Variants in PDZD7 observed in about 807,000 individuals in gnomAD.
PDZD7 encodes PDZ domain-containing protein 7.
A neutral mutation model predicts 84.7 loss-of-function variants in PDZD7; 72 were observed. The ratio of observed to expected loss-of-function variants is 0.85; its 90% CI spans 0.70 to 1.03. The LOEUF (loss-of-function observed/expected upper bound fraction) is 1.03, where lower values mean the gene tolerates loss of function less well. PDZD7 is among the 50% of genes least tolerant of loss of function. The pLI, the probability that PDZD7 is intolerant of heterozygous loss-of-function variation, is 0.00. For synonymous variants in PDZD7, 594 were observed against 580.7 expected (o/e 1.02, Z -0.33); for missense variants, 1,490 against 1,412.9 (o/e 1.05, Z -0.87).
intron 2 of PDZD7, among the ~76,000 whole-genome samples, chr10:101,027,533 A>G (rs539281256): frequency 6.6e-6 from 1 of 152,294 alleles, no homozygotes; most frequent in East Asian, 1.9e-4. Context: ...AGAACTTGCT[A>G]AAAACGGGAA....
At chr10:101,022,430 GCCACCCACCAC>G in intron 4 of PDZD7, 45 bp from the exon 5 acceptor site, 1 of 1,608,880 alleles carries the variant, frequency 6.2e-7, no homozygotes, top group Non-Finnish European at 8.5e-7. Flanking sequence ...TCCATCCACT[GCCACCCACCAC>G]CCTCCCAGCA....
In PDZD7 at chr10:101,008,264, C is replaced by T. The variant is rs374040016; in HGVS notation, c.*203G>A. 3.2e-6 allele frequency: 2 copies of T among 619,770 alleles called. No individual in the cohort carries two copies. The highest frequency in any genetic ancestry group is 5.4e-6 in the Non-Finnish European group (2 of 368,078). The allele number at this position is 619,770 out of a possible 1,614,324, so 38.4% of individuals were successfully genotyped here. On this transcript the variant is annotated 3_prime_UTR_variant, in exon 17 of 17. Coordinates refer to ENST00000619208, the MANE Select transcript of PDZD7 (RefSeq NM_001195263.2). The stretch of plus-strand genomic sequence containing the variant: ...GAGTGCAGGTGACACAGGCTGCCCA[C>T]TAGCACCTTGTCCTTGGACACTAAG...
In PDZD7 at chr10:101,010,770, G is replaced by A. The variant is rs1564627634; in HGVS notation, c.2119C>T (p.Pro707Ser). The change falls in exon 15 of 17, where the codon CCT becomes TCT. Residue 707 changes from proline to serine, a missense_variant. By Grantham distance (74) the Pro-to-Ser change is moderately conservative. Transcript: ENST00000619208. ...ALKVSPSASA[P>S]RHPHKGIPPL... ...GGGATCCCTTTATGGGGGTGGCGAG[G>A]GGCAGAGGCACTTGGGGAGACCTTG... is the stretch of plus-strand genomic sequence containing the variant. The A allele has an allele frequency of 5.2e-6, 8 of 1,535,366 alleles. No individual in the cohort carries two copies. The highest frequency in any genetic ancestry group is 8.7e-7 in the Non-Finnish European group (1 of 1,146,814).
chr10:101,010,687 G>A lies in PDZD7; in HGVS notation c.2202C>T (p.Pro734=). The A allele has an allele frequency of 6.6e-7, 1 of 1,514,466 alleles. No individual in the cohort carries two copies. Among genetic ancestry groups the A allele is most frequent in the Non-Finnish European group, 8.8e-7 (1 of 1,132,688 alleles). 93.8% of individuals were successfully genotyped at this position (1,514,466 alleles called of 1,614,324 possible). ...GAGCCACGGGGGGTAGCTGGGGAGG[G>A]GGTGTGCAGGCAATTCGGAGGGGGG... ...AFTPLRIACT[P]PPQLPPVAPR... Residue 734 remains proline, a synonymous_variant, in exon 15 of 17, where the codon CCC becomes CCT. Transcript: ENST00000619208.
intron 8 of PDZD7, 120 bp downstream of exon 8, chr10:101,018,702 G>T (rs371194182): frequency 7.5e-7 from 1 of 1,327,508 alleles, no homozygotes. Context: ...TGGAGCTTGG[G>T]TTGGGCAAGG....
At chr10:101,010,018 G>C (rs1399118551) in intron 15 of PDZD7, among the ~76,000 whole-genome samples, 1 of 152,120 alleles carries the variant, frequency 6.6e-6, no homozygotes, top group African/African-American at 2.4e-5. Context: ...TCAGCCTTCT[G>C]AGTAGCTGGG....
chr10:101,019,351 A>T (rs1465136005), intron 7 of PDZD7, 134 bp from the exon 8 acceptor site: 9 of 1,125,726 alleles, frequency 8.0e-6, no homozygotes, highest in Non-Finnish European at 8.7e-6. Context: ...AGTGGTGAGG[A>T]ACCCGCTGCT....
chr10:101,011,392 T>G, intron 14 of PDZD7: 1 of 645,650 alleles, frequency 1.5e-6, no homozygotes, highest in Non-Finnish European at 2.3e-6. Context: ...TCTATTTTAA[T>G]GTGTCTAAGA....
At chr10:101,027,078 T>C (rs1392744060) in intron 2 of PDZD7, among the ~76,000 whole-genome samples, 2 of 152,160 alleles carry the variant, frequency 1.3e-5, no homozygotes, top group Non-Finnish European at 2.9e-5. Context: ...TATCCTTGCT[T>C]CCACTCTTGC....
In PDZD7 at chr10:101,018,914, G is replaced by A; in HGVS notation, c.1232C>T (p.Ala411Val). Residue 411 changes from alanine to valine, a missense_variant, in exon 8 of 17, where the codon GCG (alanine) becomes GTG (valine). By Grantham distance (64) the Ala-to-Val change is moderately conservative. Coordinates refer to ENST00000619208, the MANE Select transcript of PDZD7 (RefSeq NM_001195263.2). ...AGCCGTCTTGGGAGACTCAGAGAGCGCAGAGTCAAGGCGGCGGCCGGGATG... is the reference window on the plus strand; with the variant it reads ...AGCCGTCTTGGGAGACTCAGAGAGCACAGAGTCAAGGCGGCGGCCGGGATG... ...GPHPGRRLDS[A>V]LSESPKTALL... 1.2e-6 allele frequency: 2 copies of A among 1,604,388 alleles called. No homozygotes were observed. Among genetic ancestry groups the A allele is most frequent in the South Asian group, 1.1e-5 (1 of 89,056 alleles).
intron 2 of PDZD7, 132 bp from the exon 3 acceptor site, chr10:101,024,200 C>A: frequency 1.6e-6 from 2 of 1,224,994 alleles, no homozygotes; most frequent in Non-Finnish European, 2.4e-6. Context: ...GGCCTAAATG[C>A]AGTGGGGCAG....
intron 15 of PDZD7, among the ~76,000 whole-genome samples, chr10:101,009,801 T>C (rs1009422590): frequency 6.6e-6 from 1 of 151,984 alleles, no homozygotes; most frequent in African/African-American, 2.4e-5. Context: ...GAGACAGGGT[T>C]TCTCCATGTT....
chr10:101,011,265 T>G (rs1425670662), intron 14 of PDZD7: 4 of 394,428 alleles, frequency 1.0e-5, no homozygotes, highest in African/African-American at 6.3e-5. Context: ...TGGTCTCTAC[T>G]CCTCACCTCA....
At position 101,030,106 on chromosome 10, in the gene PDZD7, G is replaced by C. The variant is rs1260183174; in HGVS notation, c.114C>G (p.Thr38=). Residue 38 remains threonine, a synonymous_variant, in exon 2 of 17, where the codon ACC becomes ACG. Transcript: ENST00000619208. The part of the protein sequence containing the change: ...RGHLGSDSGS[T]ATRYLLRKQQ... ...GCTTCCTTAGCAGGTATCGCGTTGC[G>C]GTGGAGCCTGAGTCGCTGCCTAGGT... 1.9e-6 allele frequency: 3 copies of C among 1,614,098 alleles called. No individual in the cohort carries two copies. Among genetic ancestry groups the C allele is most frequent in the South Asian group, 2.2e-5 (2 of 91,090 alleles).
chr10:101,029,966 CAGG>C, intron 2 of PDZD7, 25 bp downstream of exon 2: 3 of 1,576,502 alleles, frequency 1.9e-6, no homozygotes, highest in Non-Finnish European at 2.6e-6. Context: ...CTCCCCAACC[CAGG>C]CCAGTGGCTG....
intron 15 of PDZD7, among the ~76,000 whole-genome samples, chr10:101,009,599 C>CTTTTTTTT (rs142806278): frequency 2.9e-4 from 18 of 62,238 alleles, no homozygotes; most frequent in Non-Finnish European, 4.0e-4. Flanking sequence ...GAGACAGAGT[C>CTTTTTTTT]TTTTTTTTTT....
Position 101,008,165 on chromosome 10 carries a change from A to G in PDZD7, c.*302T>C, listed in dbSNP as rs544286421. ...ACTCATAAGGGACAGCATGTGAGAA[A>G]GTGCCCACCAATCCCAAGCTCCAGA... On this transcript the variant is annotated 3_prime_UTR_variant, in exon 17 of 17. Transcript: ENST00000619208. 32 of 444,812 alleles carry G rather than the reference A, an allele frequency of 7.2e-5. No homozygotes were observed. The highest frequency in any genetic ancestry group is 5.4e-4 in the African/African-American group (28 of 51,684). 27.6% of individuals were successfully genotyped at this position (444,812 alleles called of 1,614,324 possible).
At chr10:101,025,518 G>A (rs1234137415) in intron 2 of PDZD7, among the ~76,000 whole-genome samples, 1 of 130,256 alleles carries the variant, frequency 7.7e-6, no homozygotes, top group Non-Finnish European at 1.6e-5. Context: ...TGAAATGGAA[G>A]GGATTTTATT....
chr10:101,012,085 T>C, intron 12 of PDZD7, 69 bp from the exon 13 acceptor site: 2 of 1,539,848 alleles, frequency 1.3e-6, no homozygotes, highest in Non-Finnish European at 1.8e-6. Context: ...GGTGCCAGGA[T>C]GCCCTTCAGC....
Sources: gnomAD v4.1 joint callset for allele counts (sites outside exome capture counted in the v4.1 genomes callset) on GRCh38, gnomAD v4.1.1 for gene constraint, MANE v1.5 for transcripts, NCBI Gene and HGNC (gene_info 2026-07-23, HGNC 2026-07-21) for gene names.